GPHN: variants seen among roughly 807,000 people sequenced by gnomAD.
GPHN encodes gephyrin.
In GPHN, 17 loss-of-function variants were observed where a neutral mutation model predicts 95.5. The observed-to-expected ratio is 0.18, with a 90% CI of 0.12 to 0.27. The LOEUF is 0.27. Ranked by LOEUF, GPHN falls within the 10% of genes least tolerant of loss-of-function variation. GPHN has a pLI of 1.00. For missense variants in GPHN, 660 were observed against 978.1 expected, an observed-to-expected ratio of 0.67 and a Z score of 4.34; for synonymous variants, 320 against 322.5, an observed-to-expected ratio of 0.99 and a Z score of 0.08.
chr14:67,706,115 C>G, the GPHN span: 1 of 151,658 alleles, frequency 6.6e-6, no homozygotes, highest in Non-Finnish European at 1.5e-5. Context: ...CAGGGGACCA[C>G]CAGGTTACCT....
chr14:67,575,467 G>A, the GPHN span: 2 of 1,596,802 alleles, frequency 1.3e-6, no homozygotes, highest in Non-Finnish European at 1.7e-6. Flanking sequence ...GAGCCATGAG[G>A]ACAAGGTACT....
At chr14:67,364,198 G>A in the GPHN span, 2 of 152,126 alleles carry the variant, frequency 1.3e-5, no homozygotes, top group African/African-American at 4.8e-5. Flanking sequence ...ATGCATTTTA[G>A]TTTATTTTGT....
Position 67,143,386 on chromosome 14 carries a change from G to T in GPHN, c.1773G>T (p.Leu591Phe). The T allele has an allele frequency of 6.2e-7, 1 of 1,610,440 alleles. No homozygotes were observed. Among genetic ancestry groups the T allele is most frequent in the Non-Finnish European group, 8.5e-7 (1 of 1,176,748 alleles). Residue 591 changes from leucine to phenylalanine, a missense_variant, in exon 18 of 23, where the codon TTG becomes TTT. Leu to Phe is a conservative substitution (Grantham distance 22). This residue lies in a region of GPHN where 257 missense variants were observed against 376.2 expected (regional missense o/e 0.68). Coordinates refer to ENST00000478722, the MANE Select transcript of GPHN (RefSeq NM_020806.5). Reference sequence around the variant, plus strand: ...GCCCAGATGACTTACTCAATGCCTTGAATGAGGGTATCAGTCGTGCTGATG... The same window carrying T: ...GCCCAGATGACTTACTCAATGCCTTTAATGAGGGTATCAGTCGTGCTGATG... Reference protein sequence around the residue: ...GDNPDDLLNALNEGISRADVI... With the variant: ...GDNPDDLLNAFNEGISRADVI...
chr14:67,671,354 C>T, the GPHN span, among the ~76,000 whole-genome samples: 21 of 152,018 alleles, frequency 1.4e-4, no homozygotes, highest in South Asian at 4.0e-3. Context: ...GGTGAAACCC[C>T]GTGTCTACTA....
chr14:66,558,396 A>T (rs1048829599), intron 1 of GPHN, among the ~76,000 whole-genome samples: 7 of 152,120 alleles, frequency 4.6e-5, no homozygotes, highest in African/African-American at 1.7e-4. Flanking sequence ...AAGATCAAAA[A>T]TTTTTTTATA....
chr14:66,976,121 T>C (rs998587437), intron 9 of GPHN, among the ~76,000 whole-genome samples: 7 of 152,222 alleles, frequency 4.6e-5, no homozygotes, highest in African/African-American at 1.7e-4. Flanking sequence ...CATAAAGTAC[T>C]AGAGACAGAG....
At chr14:67,064,547 T>C (rs1225660129) in intron 11 of GPHN, among the ~76,000 whole-genome samples, 1 of 152,230 alleles carries the variant, frequency 6.6e-6, no homozygotes, top group Non-Finnish European at 1.5e-5. Flanking sequence ...AATTTGGCTG[T>C]GAATCCATCT....
At chr14:66,932,878 C>A (rs1234653075) in intron 8 of GPHN, among the ~76,000 whole-genome samples, 2 of 151,992 alleles carry the variant, frequency 1.3e-5, no homozygotes, top group Non-Finnish European at 2.9e-5. Context: ...TTTTTCAGTT[C>A]TCCCAAGGAT....
chr14:67,026,877 C>A (rs1468498506), intron 10 of GPHN, among the ~76,000 whole-genome samples: 5 of 152,144 alleles, frequency 3.3e-5, no homozygotes, highest in African/African-American at 1.2e-4. Flanking sequence ...CTCCTGACCT[C>A]GTGATCCGCC....
At chr14:67,446,196 C>T in the GPHN span, 162 of 371,884 alleles carry the variant, frequency 4.4e-4, no homozygotes, top group African/African-American at 3.3e-3. Context: ...TTGCTCCCCT[C>T]TTGGGCTTCA....
At chr14:67,037,474 C>T (rs2074478852) in intron 10 of GPHN, among the ~76,000 whole-genome samples, 1 of 151,842 alleles carries the variant, frequency 6.6e-6, no homozygotes, top group Non-Finnish European at 1.5e-5. Context: ...TAAATATTTT[C>T]TGCATCAAAG....
the GPHN span, among the ~76,000 whole-genome samples, chr14:67,306,347 G>A: frequency 1.3e-5 from 2 of 151,606 alleles, no homozygotes; most frequent in East Asian, 3.9e-4. Context: ...TTTCTCTTTT[G>A]TTTTTTGTTT....
chr14:66,687,139 T>C (rs2067424483), intron 2 of GPHN, among the ~76,000 whole-genome samples: 1 of 152,162 alleles, frequency 6.6e-6, no homozygotes, highest in Non-Finnish European at 1.5e-5. Context: ...GATGTGCTGC[T>C]GGACTCCCAC....
At chr14:67,440,462 G>A in the GPHN span, among the ~76,000 whole-genome samples, 1 of 152,010 alleles carries the variant, frequency 6.6e-6, no homozygotes, top group Non-Finnish European at 1.5e-5. Context: ...TCATGGCCAG[G>A]GCATAAAAGC....
chr14:67,731,207 C>CTTTTTTTTT, the GPHN span, among the ~76,000 whole-genome samples: 9 of 90,606 alleles, frequency 9.9e-5, no homozygotes, highest in African/African-American at 3.4e-4. Flanking sequence ...TTCTTTCTTT[C>CTTTTTTTTT]TTTTTTTTTT....
At chr14:66,563,104 G>C (rs1341700023) in intron 1 of GPHN, among the ~76,000 whole-genome samples, 1 of 151,768 alleles carries the variant, frequency 6.6e-6, no homozygotes, top group African/African-American at 2.4e-5. Context: ...GGATTTTATT[G>C]GTATAAATAT....
intron 2 of GPHN, among the ~76,000 whole-genome samples, chr14:66,702,990 T>C (rs1282850548): frequency 6.6e-6 from 1 of 152,062 alleles, no homozygotes; most frequent in Non-Finnish European, 1.5e-5. Flanking sequence ...GAGAACTTCA[T>C]GAAGCATACA....
At chr14:66,857,435 C>G (rs926336909) in intron 4 of GPHN, among the ~76,000 whole-genome samples, 5 of 152,100 alleles carry the variant, frequency 3.3e-5, no homozygotes, top group African/African-American at 1.2e-4. Context: ...TGAAAGTAAC[C>G]AGGGAGAAAC....
intron 1 of GPHN, among the ~76,000 whole-genome samples, chr14:66,586,224 TTG>T (rs1271163974): frequency 2.0e-5 from 3 of 152,190 alleles, no homozygotes; most frequent in Non-Finnish European, 4.4e-5. Context: ...CTTCCTTTTT[TTG>T]TTTTCCATTG....
Sources: gnomAD v4.1 joint callset for allele counts (sites outside exome capture counted in the v4.1 genomes callset) on GRCh38, gnomAD v4.1.1 for gene constraint, gnomAD v4.1.1 regional missense constraint, MANE v1.5 for transcripts, NCBI Gene and HGNC (gene_info 2026-07-23, HGNC 2026-07-21) for gene names.